The following PRSS23 variants were observed in gnomAD, a reference collection of about 807,000 sequenced individuals.
PRSS23 encodes the protein protease, serine 23.
In PRSS23, 25 loss-of-function variants were observed where a neutral mutation model predicts 34.7. The observed-to-expected ratio is 0.72, with a 90% CI of 0.53 to 1.01. PRSS23 has a LOEUF of 1.01. Ranked by LOEUF, PRSS23 falls within the 50% of genes least tolerant of loss-of-function variation. The probability of loss-of-function intolerance (pLI) is 0.00; values close to 1 mark genes in which losing one functional copy is unlikely to be tolerated. For synonymous variants in PRSS23, 176 were observed against 186.6 expected, an observed-to-expected ratio of 0.94 and a Z score of 0.46; for missense variants, 445 against 475.6, an observed-to-expected ratio of 0.94 and a Z score of 0.60.
intron 2 of PRSS23, chr11:86,946,686 C>T (rs562826356): frequency 6.5e-6 from 1 of 152,718 alleles, no homozygotes; most frequent in South Asian, 2.1e-4. Context: ...GCAAAATGCT[C>T]TCTAAGGAGT....
chr11:86,951,420 C>G lies in PRSS23; in HGVS notation c.*135C>G, dbSNP rs1401889016. On this transcript the variant is annotated 3_prime_UTR_variant, in exon 3 of 3. Coordinates refer to the PRSS23 transcript ENST00000533902. ...CAGGCAATCACACACGTTGCAGGAA[C>G]TGTGTACAGTACTGAGAACACCCCA... 2.5e-6 allele frequency: 4 copies of G among 1,612,104 alleles called. No homozygotes were observed. The South Asian group carries it at 3.3e-5, about 13-fold the overall frequency.
rs563651279 is a variant in PRSS23 at position 86,818,622 on chromosome 11, T to G, written c.-11-4755T>G. Among the ~76,000 whole-genome samples, 48 of 152,356 alleles carry G rather than the reference T, an allele frequency of 3.2e-4. No individual in the cohort carries two copies. The Middle Eastern group carries it at 0.01, about 32-fold the overall frequency. ...AAAAAAAATCTTTCCCCGAGGCATC[T>G]TCTTTGCCAACTGGACTGACTTTTG... On this transcript the variant is annotated intron_variant, in intron 1 of 2. Coordinates refer to the PRSS23 transcript ENST00000533902.
chr11:86,908,465 A>T (rs1379059156), intron 2 of PRSS23, among the ~76,000 whole-genome samples: 1 of 152,226 alleles, frequency 6.6e-6, no homozygotes, highest in Non-Finnish European at 1.5e-5. Context: ...GATTGATCCC[A>T]GGGAGGAACA....
intron 2 of PRSS23, among the ~76,000 whole-genome samples, chr11:86,878,286 C>T (rs1459216076): frequency 1.3e-5 from 2 of 149,286 alleles, no homozygotes; most frequent in African/African-American, 2.5e-5. Context: ...CTCTCCCTCT[C>T]TTTCCACGGT....
intron 2 of PRSS23, among the ~76,000 whole-genome samples, chr11:86,904,080 T>C (rs1334012235): frequency 6.6e-6 from 1 of 152,184 alleles, no homozygotes; most frequent in Non-Finnish European, 1.5e-5. Flanking sequence ...AAATCAGGGA[T>C]AGCATATAGG....
chr11:86,951,930 C>T, exon 3 of PRSS23: 1 of 1,613,938 alleles, frequency 6.2e-7, no homozygotes, highest in Non-Finnish European at 8.5e-7. Context: ...CTTTCCCGGC[C>T]TACAGTCAGC....
At chr11:86,843,068 C>T (rs1490710184) in intron 2 of PRSS23, among the ~76,000 whole-genome samples, 1 of 152,148 alleles carries the variant, frequency 6.6e-6, no homozygotes, top group Non-Finnish European at 1.5e-5. Flanking sequence ...GGTACCAAAA[C>T]AGATATATAG....
chr11:86,910,989 T>C (rs1202380821), intron 2 of PRSS23: 3 of 152,150 alleles, frequency 2.0e-5, no homozygotes, highest in Non-Finnish European at 1.5e-5. Flanking sequence ...AAATGTCCCA[T>C]GTATGATTTT....
Position 86,913,659 on chromosome 11 carries a change from C to G in PRSS23, c.207-37557C>G, listed in dbSNP as rs917428156. On this transcript the variant is annotated intron_variant, in intron 2 of 2. Transcript: ENST00000533902. ...CAATGAAAGTTTGTATTTGCAAGCT[C>G]CAGACTCTTAAATTCCAACTCTGCA... Among the ~76,000 whole-genome samples, 19 of 151,552 alleles carry G rather than the reference C, an allele frequency of 1.3e-4. 1 individual carries two copies. Among genetic ancestry groups the G allele is most frequent in the African/African-American group, 4.6e-4 (19 of 40,930 alleles).
chr11:86,807,599 C>T (rs1426661202), intron 1 of PRSS23, 32 bp from the exon 2 acceptor site: 10 of 1,531,370 alleles, frequency 6.5e-6, no homozygotes, highest in Non-Finnish European at 7.1e-6. Flanking sequence ...TCAGCCCTTG[C>T]CCTCCTGACC....
At chr11:86,940,599 T>C (rs1429963132) in intron 2 of PRSS23, among the ~76,000 whole-genome samples, 2 of 152,100 alleles carry the variant, frequency 1.3e-5, no homozygotes, top group African/African-American at 4.8e-5. Context: ...TTCCTTGCTT[T>C]CAAACTTTTG....
intron 2 of PRSS23, among the ~76,000 whole-genome samples, chr11:86,879,614 C>T (rs1368228909): frequency 1.5e-5 from 2 of 137,008 alleles, no homozygotes; most frequent in Non-Finnish European, 3.3e-5. Context: ...TGCCCGGCCG[C>T]CCCTACTGGG....
intron 2 of PRSS23, chr11:86,857,245 T>C (rs145094178): frequency 1.0e-3 from 479 of 471,126 alleles, no homozygotes; most frequent in Middle Eastern, 1.5e-3. Context: ...AATGCCTGTT[T>C]CATAAAATAA....
chr11:86,914,549 C>CA (rs953119544), intron 2 of PRSS23, among the ~76,000 whole-genome samples: 11 of 152,142 alleles, frequency 7.2e-5, no homozygotes, highest in African/African-American at 2.7e-4. Flanking sequence ...ACACAATTTT[C>CA]AAAAAATGTA....
chr11:86,879,423 C>T (rs1948752714), intron 2 of PRSS23, among the ~76,000 whole-genome samples: 2 of 151,920 alleles, frequency 1.3e-5, no homozygotes, highest in Non-Finnish European at 2.9e-5. Flanking sequence ...GTGTCTCTGC[C>T]TGGCAGCCAC....
At chr11:86,797,896 C>T (rs1336085738), upstream of PRSS23, among the ~76,000 whole-genome samples, 3 of 152,214 alleles carry the variant, frequency 2.0e-5, no homozygotes, top group Non-Finnish European at 2.9e-5. Context: ...TGAAAAGCCA[C>T]ACAACTAGTA....
intron 2 of PRSS23, among the ~76,000 whole-genome samples, chr11:86,869,146 A>G (rs1437735251): frequency 6.6e-6 from 1 of 152,226 alleles, no homozygotes; most frequent in African/African-American, 2.4e-5. Context: ...TGAAAAACAG[A>G]CATAATGTCA....
At chr11:86,861,160 GA>G (rs1406662391) in intron 2 of PRSS23, among the ~76,000 whole-genome samples, 14 of 150,336 alleles carry the variant, frequency 9.3e-5, no homozygotes, top group African/African-American at 2.9e-4. Context: ...AGGGGGAGAG[GA>G]AGGTGATATT....
chr11:86,884,890 C>A (rs1948792588), intron 2 of PRSS23, among the ~76,000 whole-genome samples: 1 of 152,190 alleles, frequency 6.6e-6, no homozygotes, highest in African/African-American at 2.4e-5. Context: ...AAATTGACAT[C>A]TTTCATGTCA....
Sources: gnomAD v4.1 joint callset for allele counts (sites outside exome capture counted in the v4.1 genomes callset) on GRCh38, gnomAD v4.1.1 for gene constraint, MANE v1.5 for transcripts, NCBI Gene and HGNC (gene_info 2026-07-23, HGNC 2026-07-21) for gene names.